Variants in HECW1 observed in about 807,000 individuals in gnomAD.
The protein encoded by HECW1 is E3 ubiquitin-protein ligase HECW1.
HECW1 carries 61 observed loss-of-function variants against 182.3 expected under a neutral mutation model. The observed-to-expected ratio is 0.33, with a 90% CI of 0.27 to 0.41. The LOEUF is 0.41. Ranked by LOEUF, HECW1 falls within the 10% of genes least tolerant of loss-of-function variation. The pLI, the probability that HECW1 is intolerant of heterozygous loss-of-function variation, is 1.00. For missense variants in HECW1, 1,739 were observed against 2,108.9 expected, an observed-to-expected ratio of 0.82 and a Z score of 3.44; for synonymous variants, 859 against 832.6, an observed-to-expected ratio of 1.03 and a Z score of -0.55.
At chr7:43,287,353 C>G (rs1490669334) in intron 3 of HECW1, among the ~76,000 whole-genome samples, 1 of 151,926 alleles carries the variant, frequency 6.6e-6, no homozygotes, top group South Asian at 2.1e-4. Context: ...GTAGGGAGTG[C>G]AGAGGCCCCG....
At chr7:43,151,123 C>G (rs1789272548) in intron 2 of HECW1, 1 of 152,750 alleles carries the variant, frequency 6.5e-6, no homozygotes, top group Non-Finnish European at 1.5e-5. Context: ...GTCCCGTGGT[C>G]CCAAGACAGA....
intron 2 of HECW1, among the ~76,000 whole-genome samples, chr7:43,129,274 A>G (rs920508044): frequency 6.6e-5 from 10 of 152,214 alleles, no homozygotes; most frequent in African/African-American, 2.2e-4. Flanking sequence ...CTAAGAAATT[A>G]CCACGGTCAC....
chr7:43,378,690 C>T (rs2074421447), intron 6 of HECW1, among the ~76,000 whole-genome samples: 2 of 152,038 alleles, frequency 1.3e-5, no homozygotes, highest in Non-Finnish European at 1.5e-5. Context: ...CCTGTAATCC[C>T]AGCTACTCAG....
chr7:43,169,995 G>T (rs1166587167), intron 2 of HECW1, among the ~76,000 whole-genome samples: 1 of 152,130 alleles, frequency 6.6e-6, no homozygotes, highest in East Asian at 1.9e-4. Context: ...AGAACCGCTG[G>T]ACAGATCATT....
At chr7:43,168,256 G>C (rs1791327854) in intron 2 of HECW1, among the ~76,000 whole-genome samples, 1 of 152,140 alleles carries the variant, frequency 6.6e-6, no homozygotes, top group Non-Finnish European at 1.5e-5. Flanking sequence ...TATATGTTCA[G>C]CCTGTGTGAG....
At chr7:43,356,103 G>T (rs1291343656) in intron 5 of HECW1, among the ~76,000 whole-genome samples, 2 of 152,050 alleles carry the variant, frequency 1.3e-5, no homozygotes, top group Non-Finnish European at 2.9e-5. Flanking sequence ...TAATTAAAAG[G>T]GATAGAGTGG....
chr7:43,133,300 T>G (rs1787162085), intron 2 of HECW1, among the ~76,000 whole-genome samples: 4 of 151,894 alleles, frequency 2.6e-5, no homozygotes, highest in Non-Finnish European at 5.9e-5. Flanking sequence ...TATTATACTA[T>G]GTATTTAACA....
At position 43,550,732 on chromosome 7, in the gene HECW1, G is replaced by A. The variant is rs568342184; in HGVS notation, c.4395+141G>A. On this transcript the variant is annotated intron_variant, in intron 27 of 29. Transcript: ENST00000395891. Reference sequence around the variant, plus strand: ...AGCCAAGGTGGGCAGTGGGCTCAGCGAGTGCTCCTCACCAGGGAGTACTGA... The same window carrying A: ...AGCCAAGGTGGGCAGTGGGCTCAGCAAGTGCTCCTCACCAGGGAGTACTGA... The A allele has an allele frequency of 2.4e-5, 19 of 780,682 alleles. No individual in the cohort carries two copies. The East Asian group carries it at 2.7e-4, about 11-fold the overall frequency. 48.4% of individuals were successfully genotyped at this position (780,682 alleles called of 1,614,324 possible). A position where few individuals can be genotyped will look rare whatever the true frequency, so the allele number is the denominator to read the frequency against.
chr7:43,299,033 A>G (rs1029834335), intron 3 of HECW1, among the ~76,000 whole-genome samples: 2 of 152,244 alleles, frequency 1.3e-5, no homozygotes, highest in African/African-American at 4.8e-5. Flanking sequence ...GTCTGGACAT[A>G]GATGGCTTGT....
At chr7:43,339,081 C>T (rs1399019619) in intron 5 of HECW1, among the ~76,000 whole-genome samples, 6 of 152,156 alleles carry the variant, frequency 3.9e-5, no homozygotes, top group Admixed American at 3.9e-4. Flanking sequence ...CCATCTTATG[C>T]TTCTAAGACT....
At chr7:43,156,553 T>A (rs1789904812) in intron 2 of HECW1, among the ~76,000 whole-genome samples, 1 of 152,228 alleles carries the variant, frequency 6.6e-6, no homozygotes. Context: ...TATGTTTGGC[T>A]TGATTCGTGT....
intron 24 of HECW1, among the ~76,000 whole-genome samples, chr7:43,529,104 C>A (rs1416525293): frequency 6.6e-6 from 1 of 152,128 alleles, no homozygotes; most frequent in African/African-American, 2.4e-5. Context: ...CCCTCTCAAC[C>A]TCATTATCAC....
chr7:43,149,078 A>G (rs1789020164), intron 2 of HECW1, among the ~76,000 whole-genome samples: 1 of 152,204 alleles, frequency 6.6e-6, no homozygotes, highest in Non-Finnish European at 1.5e-5. Flanking sequence ...AAATCCACAG[A>G]TGAATGCTAA....
At chr7:43,431,989 G>T (rs553272397) in intron 8 of HECW1, among the ~76,000 whole-genome samples, 26 of 151,872 alleles carry the variant, frequency 1.7e-4, no homozygotes, top group Non-Finnish European at 3.1e-4. Flanking sequence ...CACCATGCCT[G>T]GCTAATTTTT....
chr7:43,244,212 G>C (rs1463484988), intron 3 of HECW1, among the ~76,000 whole-genome samples: 1 of 152,176 alleles, frequency 6.6e-6, no homozygotes, highest in Non-Finnish European at 1.5e-5. Flanking sequence ...TTTGTACCTG[G>C]AAACATTCTA....
intron 24 of HECW1, chr7:43,522,903 A>G (rs961784936): frequency 1.3e-5 from 4 of 310,028 alleles, no homozygotes; most frequent in African/African-American, 9.1e-5. Context: ...CTTCCCTAAT[A>G]TTTATTCCAA....
chr7:43,423,147 A>G (rs2076249825), intron 8 of HECW1, among the ~76,000 whole-genome samples: 1 of 152,240 alleles, frequency 6.6e-6, no homozygotes, highest in Non-Finnish European at 1.5e-5. Context: ...AATCACATTT[A>G]TGGAAGAAAA....
intron 6 of HECW1, among the ~76,000 whole-genome samples, chr7:43,363,157 T>C (rs1816178827): frequency 6.6e-6 from 1 of 152,164 alleles, no homozygotes; most frequent in Non-Finnish European, 1.5e-5. Context: ...AGGCTTAAAA[T>C]TAAGCAAGAG....
intron 29 of HECW1, among the ~76,000 whole-genome samples, chr7:43,557,110 G>A (rs1039833330): frequency 6.6e-6 from 1 of 152,140 alleles, no homozygotes; most frequent in Non-Finnish European, 1.5e-5. Flanking sequence ...ATCTATGTGT[G>A]GATAGAAAGA....
Sources: allele counts gnomAD v4.1 joint callset (sites outside exome capture counted in the v4.1 genomes callset), GRCh38; gene constraint gnomAD v4.1.1; transcripts MANE v1.5; gene names NCBI Gene and HGNC (gene_info 2026-07-23, HGNC 2026-07-21).